ROCK2: variants seen among roughly 807,000 people sequenced by gnomAD.
ROCK2 encodes the protein rho-associated protein kinase 2.
In ROCK2, 61 loss-of-function variants were observed where a neutral mutation model predicts 195.1. The ratio of observed to expected loss-of-function variants is 0.31; its 90% CI spans 0.25 to 0.39. The LOEUF is 0.39. Ranked by LOEUF, ROCK2 falls within the 10% of genes least tolerant of loss-of-function variation. ROCK2 has a pLI of 1.00. For synonymous variants in ROCK2, 504 were observed against 545.5 expected, an observed-to-expected ratio of 0.92 and a Z score of 1.06; for missense variants, 1,109 against 1,637.4, an observed-to-expected ratio of 0.68 and a Z score of 5.57.
chr2:11,179,942 T>C lies in ROCK2; in HGVS notation c.*3495A>G, dbSNP rs1340043134. 2 of 152,200 alleles carry C rather than the reference T, an allele frequency of 1.3e-5. No individual in the cohort carries two copies. Among genetic ancestry groups the C allele is most frequent in the African/African-American group, 4.8e-5 (2 of 41,448 alleles). The allele number at this position is 152,200 out of a possible 1,614,324, so 9.4% of individuals were successfully genotyped here. On this transcript the variant is annotated 3_prime_UTR_variant, in exon 33 of 33. Coordinates refer to ENST00000315872, the MANE Select transcript of ROCK2 (RefSeq NM_004850.5). ...TCTAAACCATGCAGTTCATTACTTA[T>C]TACAATTCCAAACAAAACTCATTAT...
At chr2:11,212,334 A>G (rs2148061267) in intron 17 of ROCK2, among the ~76,000 whole-genome samples, 1 of 152,132 alleles carries the variant, frequency 6.6e-6, no homozygotes, top group South Asian at 2.1e-4. Flanking sequence ...ACTGTACCCA[A>G]CAGTCTACAC....
chr2:11,218,909 A>C (rs1319381663), intron 10 of ROCK2, 57 bp downstream of exon 10: 1 of 1,010,312 alleles, frequency 9.9e-7, no homozygotes, highest in African/African-American at 1.6e-5. Context: ...CATGGGGATT[A>C]CTAAAATATT....
Position 11,208,383 on chromosome 2 carries a change from T to C in ROCK2, c.2268A>G (p.Glu756=). The C allele has an allele frequency of 6.4e-7, 1 of 1,557,222 alleles. No homozygotes were observed. Among genetic ancestry groups the C allele is most frequent in the Admixed American group, 1.7e-5 (1 of 58,384 alleles). Residue 756 remains glutamate, a synonymous_variant, in exon 19 of 33, where the codon GAA becomes GAG. Coordinates refer to ENST00000315872, the MANE Select transcript of ROCK2 (RefSeq NM_004850.5). ...CTAATAGAGAACATCTTTTCTCAGC[T>C]TCTAGCAATAGGTTCTCCACTTTCT... ...LKQKVENLLL[E]AEKRCSLLDC...
chr2:11,329,284 A>C (rs1232908512), intron 1 of ROCK2, among the ~76,000 whole-genome samples: 3 of 152,122 alleles, frequency 2.0e-5, no homozygotes, highest in Non-Finnish European at 2.9e-5. Flanking sequence ...AATCATTTGA[A>C]ATAAGGCATT....
intron 3 of ROCK2, among the ~76,000 whole-genome samples, chr2:11,284,444 A>C (rs1002965442): frequency 6.6e-6 from 1 of 152,104 alleles, no homozygotes; most frequent in African/African-American, 2.4e-5. Context: ...TAACAAATGT[A>C]CTCTAATGAG....
intron 12 of ROCK2, 68 bp downstream of exon 12, chr2:11,217,022 G>A (rs1461966172): frequency 8.6e-6 from 7 of 815,472 alleles, no homozygotes; most frequent in East Asian, 2.8e-5. Context: ...ACACCTGGCC[G>A]CTCTTTTTTC....
chr2:11,317,608 A>ATC (rs1210144997), intron 1 of ROCK2, among the ~76,000 whole-genome samples: 2 of 15,942 alleles, frequency 1.3e-4, no homozygotes, highest in Admixed American at 7.7e-4. Flanking sequence ...ATATATATAT[A>ATC]TATATTTTTT....
intron 1 of ROCK2, among the ~76,000 whole-genome samples, chr2:11,317,590 A>ATATATATATATATATATATC (rs1668244470): frequency 7.4e-5 from 1 of 13,482 alleles, no homozygotes; most frequent in African/African-American, 2.3e-4. Context: ...ATATATATAT[A>ATATATATATATATATATATC]TATATATATA....
At chr2:11,188,125 T>TTG (rs1249346837) in intron 32 of ROCK2, among the ~76,000 whole-genome samples, 22 of 148,972 alleles carry the variant, frequency 1.5e-4, no homozygotes, top group African/African-American at 5.0e-4. Context: ...TTTTTTTTTT[T>TTG]TGTGTGACGG....
At chr2:11,318,640 C>T (rs995395553) in intron 1 of ROCK2, among the ~76,000 whole-genome samples, 2 of 152,132 alleles carry the variant, frequency 1.3e-5, no homozygotes, top group African/African-American at 4.8e-5. Flanking sequence ...CTTTTGTTGC[C>T]ATTCCTTTTG....
Position 11,194,971 on chromosome 2 carries a change from A to C in ROCK2, c.3503T>G (p.Phe1168Cys). 1 of 1,576,270 alleles carries C rather than the reference A, an allele frequency of 6.3e-7. No individual in the cohort carries two copies. The highest frequency in any genetic ancestry group is 8.6e-7 in the Non-Finnish European group (1 of 1,159,326). The change falls in exon 28 of 33, where the codon TTT (phenylalanine) becomes TGT (cysteine). Residue 1168 changes from phenylalanine (F) to cysteine (C), a missense_variant. By Grantham distance (205) the Phe-to-Cys change is radical. Around this residue, in one of 6 missense-constraint regions of ROCK2, gnomAD observed 221 missense variants for 355.1 expected, o/e 0.62. Coordinates refer to ENST00000315872, the MANE Select transcript of ROCK2 (RefSeq NM_004850.5). ...SLPVRNNTKK[F>C]GWVKKYVIVS... is the part of the protein sequence containing the mutation. ...ATCAATTACCTTTTTAACCCATCCA[A>C]ATTTCTTAGTGTTGTTTCGTACAGG...
chr2:11,315,598 T>C (rs1002951007), intron 1 of ROCK2, among the ~76,000 whole-genome samples: 12 of 152,106 alleles, frequency 7.9e-5, no homozygotes, highest in Admixed American at 5.2e-4. Context: ...TCTAAAAACA[T>C]ATCCATAATT....
chr2:11,184,111 G>C (rs768977857), intron 32 of ROCK2, among the ~76,000 whole-genome samples: 1 of 152,090 alleles, frequency 6.6e-6, no homozygotes, highest in Non-Finnish European at 1.5e-5. Flanking sequence ...TTCTCACAGC[G>C]TATCACTGAC....
At chr2:11,325,522 T>C (rs2148254833) in intron 1 of ROCK2, among the ~76,000 whole-genome samples, 1 of 152,092 alleles carries the variant, frequency 6.6e-6, no homozygotes, top group South Asian at 2.1e-4. Flanking sequence ...GGAAGAAAAA[T>C]GGTGCAGCTT....
chr2:11,252,939 TATAATA>T (rs199970738), intron 3 of ROCK2, among the ~76,000 whole-genome samples: 19,536 of 143,174 alleles, frequency 0.14, 1,379 homozygotes, highest in Middle Eastern at 0.18. Context: ...AACTTAAAAG[TATAATA>T]ATAATAATAA....
intron 13 of ROCK2, 76 bp from the exon 14 acceptor site, chr2:11,215,721 C>T: frequency 8.1e-7 from 1 of 1,227,472 alleles, no homozygotes; most frequent in Non-Finnish European, 1.1e-6. Flanking sequence ...CTTGCTATTC[C>T]AAACAGATAA....
At position 11,198,888 on chromosome 2, in the gene ROCK2, T is replaced by C. The variant is rs1572231486; in HGVS notation, c.2911-114A>G. The C allele has an allele frequency of 3.3e-5, 23 of 691,446 alleles. No homozygotes were observed. The East Asian group carries it at 5.3e-4, about 16-fold the overall frequency. The allele number at this position is 691,446 out of a possible 1,614,324, so 42.8% of individuals were successfully genotyped here. On this transcript the variant is annotated intron_variant, in intron 23 of 32. Transcript: ENST00000315872. ...TTGTTAAACCTCTTATTTTTCTTTT[T>C]TTTTTTTTTTTGAGACAGAGTCTTG...
At chr2:11,258,751 G>A (rs1267400341) in intron 3 of ROCK2, among the ~76,000 whole-genome samples, 2 of 151,160 alleles carry the variant, frequency 1.3e-5, no homozygotes, top group Admixed American at 1.3e-4. Context: ...GCAGTTGACT[G>A]GAGAAGGAGC....
At chr2:11,298,487 A>C (rs1023316498) in intron 1 of ROCK2, among the ~76,000 whole-genome samples, 13 of 151,586 alleles carry the variant, frequency 8.6e-5, no homozygotes, top group Admixed American at 7.2e-4. Context: ...AAAAAAAAAA[A>C]AAAAACCACA....
Sources: allele counts gnomAD v4.1 joint callset (sites outside exome capture counted in the v4.1 genomes callset), GRCh38; gene constraint gnomAD v4.1.1; regional missense constraint gnomAD v4.1.1; transcripts MANE v1.5; gene names NCBI Gene and HGNC (gene_info 2026-07-23, HGNC 2026-07-21).